LDLRAD4: variants seen among roughly 807,000 people sequenced by gnomAD.
LDLRAD4 encodes the protein low density lipoprotein receptor class A domain containing 4.
LDLRAD4 carries 5 observed loss-of-function variants against 17.0 expected under a neutral mutation model. The observed-to-expected ratio is 0.29, with a 90% CI of 0.15 to 0.62. The LOEUF (loss-of-function observed/expected upper bound fraction) is 0.62, where lower values mean the gene tolerates loss of function less well. LDLRAD4 is among the 20% of genes least tolerant of loss of function. The pLI is 0.84. For missense variants in LDLRAD4, 340 were observed against 424.7 expected (o/e 0.80, Z 1.75); for synonymous variants, 168 against 171.8 (o/e 0.98, Z 0.17).
intron 2 of LDLRAD4, among the ~76,000 whole-genome samples, chr18:13,391,395 G>A (rs1568090059): frequency 6.6e-6 from 1 of 152,124 alleles, no homozygotes; most frequent in Non-Finnish European, 1.5e-5. Context: ...GAAGGCCCCT[G>A]TCCCCATGCC....
intron 2 of LDLRAD4, among the ~76,000 whole-genome samples, chr18:13,394,471 TA>T (rs1213894298): frequency 6.6e-6 from 1 of 152,268 alleles, no homozygotes; most frequent in African/African-American, 2.4e-5. Flanking sequence ...AATATCTTTT[TA>T]TAGCTGTTAA....
chr18:13,601,675 AAG>A (rs2095164942), intron 3 of LDLRAD4, among the ~76,000 whole-genome samples: 1 of 151,910 alleles, frequency 6.6e-6, no homozygotes, highest in African/African-American at 2.4e-5. Context: ...AAGAAAAAAA[AAG>A]GAAAAGAAAA....
At chr18:13,288,874 C>T (rs564366151) in intron 1 of LDLRAD4, among the ~76,000 whole-genome samples, 1 of 152,212 alleles carries the variant, frequency 6.6e-6, no homozygotes, top group African/African-American at 2.4e-5. Context: ...TGATGACACC[C>T]GCAAAGCATG....
intron 2 of LDLRAD4, among the ~76,000 whole-genome samples, chr18:13,394,890 T>C (rs1376595229): frequency 6.6e-6 from 1 of 152,238 alleles, no homozygotes; most frequent in Non-Finnish European, 1.5e-5. Context: ...AAATCAAACA[T>C]GTGCAGAAAG....
chr18:13,266,768 C>T (rs1325513463), intron 1 of LDLRAD4, among the ~76,000 whole-genome samples: 1 of 152,246 alleles, frequency 6.6e-6, no homozygotes. Context: ...CCTGTCCCCA[C>T]ACTACCCTTG....
At chr18:13,486,109 T>C (rs976006506) in intron 3 of LDLRAD4, among the ~76,000 whole-genome samples, 4 of 152,300 alleles carry the variant, frequency 2.6e-5, no homozygotes, top group South Asian at 2.1e-4. Context: ...TCTGGAAATA[T>C]CAAGAACTGA....
At position 13,645,706 on chromosome 18, in the gene LDLRAD4, C is replaced by A; in HGVS notation, c.*49C>A. 5 of 1,432,306 alleles carry A rather than the reference C, an allele frequency of 3.5e-6. No homozygotes were observed. Among genetic ancestry groups the A allele is most frequent in the Non-Finnish European group, 4.7e-6 (5 of 1,067,288 alleles). 88.7% of individuals were successfully genotyped at this position (1,432,306 alleles called of 1,614,324 possible). On this transcript the variant is annotated 3_prime_UTR_variant, in exon 6 of 6. Coordinates refer to ENST00000359446, the Ensembl canonical transcript of LDLRAD4. The surrounding 1 kb of genome is among the most constrained non-coding windows in gnomAD (Gnocchi z 5.7). ...TGGAGAAAGAAACCAAGAAGGGAAG[C>A]GGCCGCTGGGCCCCTCCTGCGCACA...
chr18:13,587,484 C>T (rs942964181), intron 3 of LDLRAD4, among the ~76,000 whole-genome samples: 3 of 152,176 alleles, frequency 2.0e-5, no homozygotes, highest in Non-Finnish European at 4.4e-5. Flanking sequence ...CCTGCATGCC[C>T]GCTGAGTGGA....
intron 1 of LDLRAD4, among the ~76,000 whole-genome samples, chr18:13,281,141 C>G (rs1193540943): frequency 6.6e-6 from 1 of 152,186 alleles, no homozygotes; most frequent in Non-Finnish European, 1.5e-5. Context: ...AATCCCAGCA[C>G]TTTGAGAGGC....
intron 1 of LDLRAD4, among the ~76,000 whole-genome samples, chr18:13,239,357 G>C (rs1481967305): frequency 6.6e-6 from 1 of 152,090 alleles, no homozygotes; most frequent in Non-Finnish European, 1.5e-5. Flanking sequence ...AGGGAACAAA[G>C]GGGAGTGCAG....
intron 2 of LDLRAD4, among the ~76,000 whole-genome samples, chr18:13,392,738 T>TA (rs1257695780): frequency 1.3e-5 from 2 of 152,252 alleles, no homozygotes; most frequent in Non-Finnish European, 2.9e-5. Context: ...TTAGGCTTTT[T>TA]AAATTATTTT....
intron 3 of LDLRAD4, among the ~76,000 whole-genome samples, chr18:13,479,062 C>T (rs546019298): frequency 1.3e-5 from 2 of 152,194 alleles, no homozygotes; most frequent in African/African-American, 4.8e-5. Context: ...ACAGCTGGCT[C>T]TCCACATGCA....
intron 3 of LDLRAD4, among the ~76,000 whole-genome samples, chr18:13,563,521 C>A (rs1344815164): frequency 2.0e-5 from 3 of 152,184 alleles, no homozygotes; most frequent in African/African-American, 7.2e-5. Flanking sequence ...GAGGGTGAGT[C>A]TAGGGAGCAG....
chr18:13,290,650 T>C lies in LDLRAD4; in HGVS notation c.-383+12462T>C, dbSNP rs1017459978. On this transcript the variant is annotated intron_variant, in intron 1 of 5. Transcript: ENST00000359446. ...AAATTAGGGTATCTTAAAAGAGTTTTGTTGTTTACCTTCAGATGTGTGAGC... is the reference window on the plus strand; with the variant it reads ...AAATTAGGGTATCTTAAAAGAGTTTCGTTGTTTACCTTCAGATGTGTGAGC... Among the ~76,000 whole-genome samples, 14 of 152,342 alleles carry C rather than the reference T, an allele frequency of 9.2e-5. No homozygotes were observed. In the East Asian group the frequency reaches 2.7e-3, roughly 29 times the overall value.
chr18:13,603,619 G>A (rs768780), intron 3 of LDLRAD4, among the ~76,000 whole-genome samples: 1 of 152,234 alleles, frequency 6.6e-6, no homozygotes, highest in African/African-American at 2.4e-5. Context: ...GAATGAGTTA[G>A]AGTGCCCTGG....
chr18:13,415,648 C>T (rs1056178710), intron 2 of LDLRAD4, among the ~76,000 whole-genome samples: 1 of 152,216 alleles, frequency 6.6e-6, no homozygotes, highest in Non-Finnish European at 1.5e-5. Context: ...ATGACACCTC[C>T]AGGTTACTAG....
intron 3 of LDLRAD4, among the ~76,000 whole-genome samples, chr18:13,601,151 G>A (rs1458726454): frequency 6.6e-6 from 1 of 152,102 alleles, no homozygotes; most frequent in Non-Finnish European, 1.5e-5. Flanking sequence ...CACATTCACA[G>A]CTAAGTTTGT....
chr18:13,414,619 A>T (rs1399406413), intron 2 of LDLRAD4, among the ~76,000 whole-genome samples: 1 of 152,250 alleles, frequency 6.6e-6, no homozygotes, highest in Non-Finnish European at 1.5e-5. Flanking sequence ...GCAGCCCAGC[A>T]GGAGGTCCAT....
chr18:13,537,047 G>C (rs535502077), intron 3 of LDLRAD4, among the ~76,000 whole-genome samples: 108 of 152,150 alleles, frequency 7.1e-4, no homozygotes, highest in African/African-American at 2.5e-3. Flanking sequence ...AAGGACTTTT[G>C]CATCTGGCTT....
Sources: gnomAD v4.1 joint callset for allele counts (sites outside exome capture counted in the v4.1 genomes callset) on GRCh38, gnomAD v4.1.1 for gene constraint, Gnocchi (gnomAD v3.1) non-coding constraint, MANE v1.5 for transcripts, NCBI Gene and HGNC (gene_info 2026-07-23, HGNC 2026-07-21) for gene names.